ZNF560: variants seen among roughly 807,000 people sequenced by gnomAD.
ZNF560 encodes zinc finger protein 560.
A neutral mutation model predicts 81.8 loss-of-function variants in ZNF560; 54 were observed. That is an observed-to-expected ratio of 0.66 (90% confidence interval 0.53 to 0.83). The LOEUF is 0.83. ZNF560 is among the 40% of genes least tolerant of loss of function. The probability of loss-of-function intolerance (pLI) is 0.00; values close to 1 mark genes in which losing one functional copy is unlikely to be tolerated. For synonymous variants in ZNF560, 321 were observed against 317.9 expected, an observed-to-expected ratio of 1.01 and a Z score of -0.10; for missense variants, 940 against 932.4, an observed-to-expected ratio of 1.01 and a Z score of -0.11.
At chr19:9,470,596 C>G in intron 6 of ZNF560, 78 bp from the exon 7 acceptor site, 1 of 1,606,652 alleles carries the variant, frequency 6.2e-7, no homozygotes, top group Non-Finnish European at 8.5e-7. Flanking sequence ...GAAGGGGGAC[C>G]CAATCCCTGT....
chr19:9,500,615 C>T (rs987286293), upstream of ZNF560, among the ~76,000 whole-genome samples: 1 of 151,928 alleles, frequency 6.6e-6, no homozygotes, highest in Non-Finnish European at 1.5e-5. Context: ...GCTCTGTCAC[C>T]CAGGCTGGAG....
chr19:9,472,936 A>G (rs934972444), intron 5 of ZNF560, among the ~76,000 whole-genome samples: 3 of 152,080 alleles, frequency 2.0e-5, no homozygotes, highest in African/African-American at 7.2e-5. Flanking sequence ...CTCATCATGT[A>G]ATTTGTCTGC....
the ZNF560 span, among the ~76,000 whole-genome samples, chr19:9,503,719 T>C: frequency 2.0e-5 from 3 of 151,934 alleles, no homozygotes; most frequent in Non-Finnish European, 4.4e-5. Flanking sequence ...GAAAATTTTT[T>C]GTAGAGACAG....
At chr19:9,482,805 G>A (rs924296919) in intron 2 of ZNF560, among the ~76,000 whole-genome samples, 1 of 152,156 alleles carries the variant, frequency 6.6e-6, no homozygotes, top group Non-Finnish European at 1.5e-5. Context: ...TGCAATTGCA[G>A]GCGTGCGCCA....
At chr19:9,484,233 T>C (rs1054951897) in intron 2 of ZNF560, among the ~76,000 whole-genome samples, 20 of 151,752 alleles carry the variant, frequency 1.3e-4, no homozygotes, top group African/African-American at 4.8e-4. Context: ...CCCTCCACTA[T>C]TGTCCTATGA....
Position 9,467,988 on chromosome 19 carries a change from T to TTGAGTTTTTCTCCACTC in ZNF560, c.942_958dup (p.Asn320ArgfsTer24). 1 of 1,614,172 alleles carries TTGAGTTTTTCTCCACTC rather than the reference T, an allele frequency of 6.2e-7. No individual in the cohort carries two copies. Among genetic ancestry groups the TTGAGTTTTTCTCCACTC allele is most frequent in the Non-Finnish European group, 8.5e-7 (1 of 1,180,026 alleles). On this transcript the variant is annotated frameshift_variant, in exon 10 of 10. Transcript: ENST00000301480. LOFTEE classifies it high-confidence loss of function. Reference sequence around the variant, plus strand: ...TGCTTCCCCACATTGCTTCCATTCATTGAGTTTTTCTCCACTCTGAGTTTT... The same window carrying TTGAGTTTTTCTCCACTC: ...TGCTTCCCCACATTGCTTCCATTCATTGAGTTTTTCTCCACTCTGAGTTTTTCTCCACTCTGAGTTTT...
the ZNF560 span, among the ~76,000 whole-genome samples, chr19:9,452,986 A>G: frequency 6.6e-6 from 1 of 152,240 alleles, no homozygotes; most frequent in African/African-American, 2.4e-5. Context: ...TGAACTGTGT[A>G]TACACTCTTC....
At chr19:9,505,075 C>A in the ZNF560 span, among the ~76,000 whole-genome samples, 2 of 152,014 alleles carry the variant, frequency 1.3e-5, no homozygotes, top group African/African-American at 4.8e-5. Context: ...CATAGTGAGC[C>A]TTTGTCTCAA....
upstream of ZNF560, among the ~76,000 whole-genome samples, chr19:9,502,900 CT>C (rs1482987079): frequency 2.0e-5 from 3 of 152,056 alleles, no homozygotes; most frequent in Non-Finnish European, 4.4e-5. Context: ...CAAAGAGTAA[CT>C]TTTAGTTTCA....
rs187772777 is a variant in ZNF560, at chr19:9,496,998, G to A, written c.-57+1130C>T. Among the ~76,000 whole-genome samples, 15 of 151,952 alleles carry A rather than the reference G, an allele frequency of 9.9e-5. No individual in the cohort carries two copies. In the East Asian group the frequency reaches 2.3e-3, roughly 24 times the overall value. ...CGTAGATAGAACTGGAGGACAGTAC[G>A]TTAAGTGAAATAAACCAGGCACAGA... is the stretch of plus-strand genomic sequence containing the variant. On this transcript the variant is annotated intron_variant, in intron 2 of 9. Transcript: ENST00000301480.
downstream of ZNF560, among the ~76,000 whole-genome samples, chr19:9,463,480 G>A (rs1009115771): frequency 1.2e-4 from 18 of 152,254 alleles, no homozygotes; most frequent in African/African-American, 4.3e-4. Context: ...AATCAGGATG[G>A]CATCTAAGGA....
intron 2 of ZNF560, among the ~76,000 whole-genome samples, chr19:9,497,263 A>G (rs1301933491): frequency 6.6e-6 from 1 of 152,206 alleles, no homozygotes; most frequent in East Asian, 1.9e-4. Flanking sequence ...TGATGCAAAT[A>G]GTATTACGGT....
chr19:9,455,486 G>T, the ZNF560 span, among the ~76,000 whole-genome samples: 2 of 152,326 alleles, frequency 1.3e-5, no homozygotes, highest in East Asian at 3.9e-4. Flanking sequence ...AGACGCACAA[G>T]TGGTCATGCA....
At chr19:9,479,184 G>GA (rs113154495) in intron 2 of ZNF560, among the ~76,000 whole-genome samples, 6,992 of 138,078 alleles carry the variant, frequency 0.051, 544 homozygotes, top group African/African-American at 0.17. Flanking sequence ...TTCCAAAATG[G>GA]AAAAAAAAAA....
intron 7 of ZNF560, 69 bp from the exon 8 acceptor site, chr19:9,469,779 A>G: frequency 7.6e-7 from 1 of 1,310,766 alleles, no homozygotes; most frequent in Non-Finnish European, 1.1e-6. Flanking sequence ...TCCATGAAAC[A>G]GGGACTACGT....
Position 9,474,187 on chromosome 19 carries a change from T to C in ZNF560, c.157+12A>G, listed in dbSNP as rs74823721. 1.1e-3 allele frequency: 1,700 copies of C among 1,614,104 alleles called. 25 individuals are homozygous for C. The East Asian group carries it at 0.03, about 28-fold the overall frequency. On this transcript the variant is annotated intron_variant, in intron 4 of 9. Transcript: ENST00000301480. Reference sequence around the variant, plus strand: ...TTCCCTAAGAGGCTGCATAAAATGATGGCAGTCTTACCTACTTTGGCCACG... The same window carrying C: ...TTCCCTAAGAGGCTGCATAAAATGACGGCAGTCTTACCTACTTTGGCCACG...
rs757550638 is a variant in ZNF560 at position 9,474,205 on chromosome 19, T to G, written c.151A>C (p.Lys51Gln). 1.2e-6 allele frequency: 2 copies of G among 1,614,086 alleles called. No individual in the cohort carries two copies. Among genetic ancestry groups the G allele is most frequent in the South Asian group, 2.2e-5 (2 of 91,094 alleles). The change falls in exon 4 of 10, where the codon AAA (lysine) becomes CAA (glutamine). Residue 51 changes from lysine to glutamine, a missense_variant. Lys to Gln is a moderately conservative substitution (Grantham distance 53, BLOSUM62 1). Transcript: ENST00000301480. The part of the protein sequence containing the change: ...VMLENYENVA[K>Q]VGFQLFKPSV... The stretch of plus-strand genomic sequence containing the variant: ...AAAATGATGGCAGTCTTACCTACTT[T>G]GGCCACGTTCTCATAATTCTCCAGC...
chr19:9,461,358 A>T (rs906896577), downstream of ZNF560, among the ~76,000 whole-genome samples: 1 of 152,156 alleles, frequency 6.6e-6, no homozygotes, highest in African/African-American at 2.4e-5. Context: ...AGAGCTCAAG[A>T]AGGAGTTGGT....
At chr19:9,460,631 C>T in the ZNF560 span, among the ~76,000 whole-genome samples, 1 of 152,158 alleles carries the variant, frequency 6.6e-6, no homozygotes, top group South Asian at 2.1e-4. Context: ...TAGTTGCCCA[C>T]CCCCTCAGTA....
Sources: gnomAD v4.1 joint callset for allele counts (sites outside exome capture counted in the v4.1 genomes callset) on GRCh38, gnomAD v4.1.1 for gene constraint, MANE v1.5 for transcripts, NCBI Gene and HGNC (gene_info 2026-07-23, HGNC 2026-07-21) for gene names.